The following PTPRJ variants were observed in gnomAD, a reference collection of about 807,000 sequenced individuals.
The protein encoded by PTPRJ is receptor-type tyrosine-protein phosphatase eta.
PTPRJ carries 129 observed loss-of-function variants against 141.3 expected under a neutral mutation model. The observed-to-expected ratio is 0.91, with a 90% CI of 0.79 to 1.06. The LOEUF is 1.06. PTPRJ is among the 50% of genes least tolerant of loss of function. The probability of loss-of-function intolerance (pLI) is 0.00; values close to 1 mark genes in which losing one functional copy is unlikely to be tolerated. For synonymous variants in PTPRJ, 610 were observed against 640.5 expected (o/e 0.95, Z 0.72); for missense variants, 1,601 against 1,679.7 (o/e 0.95, Z 0.82).
At chr11:47,995,824 G>A (rs1044048152) in intron 1 of PTPRJ, among the ~76,000 whole-genome samples, 2 of 152,152 alleles carry the variant, frequency 1.3e-5, no homozygotes, top group Admixed American at 6.5e-5. Context: ...CGGATCACGA[G>A]GTCAGGAGTT....
intron 1 of PTPRJ, among the ~76,000 whole-genome samples, chr11:48,058,129 C>G (rs1001673845): frequency 2.0e-5 from 3 of 152,146 alleles, no homozygotes; most frequent in Admixed American, 1.3e-4. Flanking sequence ...CCAGGCTGGT[C>G]TTCAACTACT....
chr11:48,089,452 G>T (rs952663300), intron 1 of PTPRJ, among the ~76,000 whole-genome samples: 2 of 147,558 alleles, frequency 1.4e-5, no homozygotes, highest in African/African-American at 5.0e-5. Flanking sequence ...GGAGGCAGAG[G>T]TTACAGTGAG....
intron 6 of PTPRJ, among the ~76,000 whole-genome samples, chr11:48,126,011 T>TCCA (rs1284194907): frequency 6.6e-6 from 1 of 152,032 alleles, no homozygotes; most frequent in Non-Finnish European, 1.5e-5. Context: ...GGGCTTGGAT[T>TCCA]CCAGAGGGTG....
chr11:48,004,948 G>A (rs563685362), intron 1 of PTPRJ, among the ~76,000 whole-genome samples: 10 of 152,134 alleles, frequency 6.6e-5, no homozygotes, highest in African/African-American at 2.4e-4. Flanking sequence ...AAAGCTGGGC[G>A]CAGTGGCTCA....
chr11:48,144,361 G>C (rs1857302802), intron 12 of PTPRJ, among the ~76,000 whole-genome samples: 2 of 152,228 alleles, frequency 1.3e-5, no homozygotes, highest in African/African-American at 2.4e-5. Flanking sequence ...TGAGCCCGAT[G>C]CCCTGGATTG....
intron 1 of PTPRJ, among the ~76,000 whole-genome samples, chr11:48,026,996 CTTTTTTTTTTTT>C (rs1206503872): frequency 2.6e-5 from 3 of 113,224 alleles, no homozygotes; most frequent in African/African-American, 7.4e-5. Flanking sequence ...TTGGAATACC[CTTTTTTTTTTTT>C]TTTTTTTTTT....
At chr11:48,007,601 C>G (rs1854658478) in intron 1 of PTPRJ, among the ~76,000 whole-genome samples, 1 of 152,150 alleles carries the variant, frequency 6.6e-6, no homozygotes, top group Admixed American at 6.5e-5. Flanking sequence ...TGGGGTTTTG[C>G]CATGCTGGCC....
chr11:48,054,332 T>C (rs1854698730), intron 1 of PTPRJ, among the ~76,000 whole-genome samples: 2 of 152,244 alleles, frequency 1.3e-5, no homozygotes, highest in Non-Finnish European at 2.9e-5. Flanking sequence ...AATTAGAGTT[T>C]ACCAGGAAGT....
chr11:48,066,244 C>T (rs1260851483), intron 1 of PTPRJ, among the ~76,000 whole-genome samples: 1 of 152,184 alleles, frequency 6.6e-6, no homozygotes, highest in Non-Finnish European at 1.5e-5. Context: ...ATCCCCACTC[C>T]TCCTCCAGTG....
At chr11:47,990,799 C>T (rs1854172690) in intron 1 of PTPRJ, among the ~76,000 whole-genome samples, 1 of 151,228 alleles carries the variant, frequency 6.6e-6, no homozygotes, top group South Asian at 2.1e-4. Flanking sequence ...CGTTCTCCTG[C>T]CTCAGCCTGG....
At chr11:48,112,057 G>A (rs1177021837) in intron 2 of PTPRJ, among the ~76,000 whole-genome samples, 1 of 152,132 alleles carries the variant, frequency 6.6e-6, no homozygotes, top group Non-Finnish European at 1.5e-5. Flanking sequence ...TCAGGAAGCT[G>A]CAGCCACTGC....
At chr11:48,070,358 C>A (rs1206072931) in intron 1 of PTPRJ, among the ~76,000 whole-genome samples, 1 of 151,996 alleles carries the variant, frequency 6.6e-6, no homozygotes, top group Non-Finnish European at 1.5e-5. Context: ...AAAAATTAGC[C>A]AGGTGTGGTG....
chr11:48,140,399 GA>G (rs1368682498), intron 11 of PTPRJ, among the ~76,000 whole-genome samples: 2 of 152,204 alleles, frequency 1.3e-5, no homozygotes, highest in African/African-American at 4.8e-5. Flanking sequence ...GAGTAGGGGC[GA>G]CAGGGCCCCT....
Position 48,031,902 on chromosome 11 carries a change from A to T in PTPRJ, c.96+50894A>T, listed in dbSNP as rs183099169. ...GTGTGTCCTTTGCCAGTGAATGCTT[A>T]TGTTGGTACATTTCAAGGGTTATTT... is the stretch of plus-strand genomic sequence containing the variant. On this transcript the variant is annotated intron_variant, in intron 1 of 24. Transcript: ENST00000418331. Among the ~76,000 whole-genome samples, 21 of 152,286 alleles carry T rather than the reference A, an allele frequency of 1.4e-4. 1 individual carries two copies. In the East Asian group the frequency reaches 3.9e-3, roughly 28 times the overall value.
At chr11:48,097,184 G>C (rs965595682) in intron 1 of PTPRJ, among the ~76,000 whole-genome samples, 8 of 152,278 alleles carry the variant, frequency 5.3e-5, no homozygotes, top group Admixed American at 5.2e-4. Context: ...TGGCTGTGCT[G>C]GGGGAGGGGA....
chr11:47,992,323 G>A (rs922471314), intron 1 of PTPRJ, among the ~76,000 whole-genome samples: 4 of 151,974 alleles, frequency 2.6e-5, no homozygotes, highest in Non-Finnish European at 4.4e-5. Flanking sequence ...ACAGGAGCCC[G>A]CCCACCATGC....
chr11:48,061,718 C>A (rs1430816822), intron 1 of PTPRJ, among the ~76,000 whole-genome samples: 1 of 152,088 alleles, frequency 6.6e-6, no homozygotes, highest in Non-Finnish European at 1.5e-5. Context: ...TGCAAGTGTC[C>A]TGGGTGGGCT....
intron 1 of PTPRJ, among the ~76,000 whole-genome samples, chr11:48,079,042 G>A (rs1286851636): frequency 6.6e-6 from 1 of 152,036 alleles, no homozygotes; most frequent in African/African-American, 2.4e-5. Flanking sequence ...GCAGGATCAA[G>A]GGACAGTTTA....
intron 1 of PTPRJ, among the ~76,000 whole-genome samples, chr11:47,994,417 G>A (rs1004058934): frequency 6.6e-6 from 1 of 152,072 alleles, no homozygotes; most frequent in Non-Finnish European, 1.5e-5. Flanking sequence ...CACCTTGGGA[G>A]GCCAAGGCAG....
Sources: allele counts gnomAD v4.1 joint callset (sites outside exome capture counted in the v4.1 genomes callset), GRCh38; gene constraint gnomAD v4.1.1; transcripts MANE v1.5; gene names NCBI Gene and HGNC (gene_info 2026-07-23, HGNC 2026-07-21).